Variants in NPC2 observed in about 807,000 individuals in gnomAD.
The protein encoded by NPC2 is NPC intracellular cholesterol transporter 2, also known as Niemann-Pick disease type C2 protein.
In NPC2, 14 loss-of-function variants were observed where a neutral mutation model predicts 17.0. That is an observed-to-expected ratio of 0.82 (90% CI 0.54 to 1.29). The LOEUF is 1.29. Among genes scored for constraint, NPC2 ranks in the 50% most tolerant of loss-of-function variants. NPC2 has a pLI of 0.00. For missense variants in NPC2, 167 were observed against 183.4 expected (o/e 0.91, Z 0.52); for synonymous variants, 75 against 69.3 (o/e 1.08, Z -0.41).
upstream of NPC2, chr14:74,493,495 G>C (rs2086802079): frequency 9.4e-7 from 1 of 1,060,274 alleles, no homozygotes. The surrounding 1 kb of genome is among the most constrained non-coding windows in gnomAD (Gnocchi z 4.1). Context: ...CCCCTCAGAG[G>C]CCTGACCCGC....
chr14:74,492,827 G>A (rs1164547845), intron 1 of NPC2, among the ~76,000 whole-genome samples: 1 of 152,108 alleles, frequency 6.6e-6, no homozygotes, highest in Non-Finnish European at 1.5e-5. Context: ...GGGGGAGGCG[G>A]GATTCCAAGA....
chr14:74,493,301 G>C lies in NPC2; in HGVS notation c.-27C>G. 1.2e-6 allele frequency: 2 copies of C among 1,607,712 alleles called. No individual in the cohort carries two copies. Among genetic ancestry groups the C allele is most frequent in the Non-Finnish European group, 1.7e-6 (2 of 1,177,762 alleles). ...GCGGATAACGAAGTTCCAAGCTCGG[G>C]AAAGAAGCAGCGGCCGCCCGCGGTC... On this transcript the variant is annotated 5_prime_UTR_variant, in exon 1 of 5. Coordinates refer to ENST00000555619, the MANE Select transcript of NPC2 (RefSeq NM_006432.5). The surrounding 1 kb of genome is among the most constrained non-coding windows in gnomAD (Gnocchi z 4.1).
At chr14:74,493,330 A>G, upstream of NPC2, 1 of 1,588,560 alleles carries the variant, frequency 6.3e-7, no homozygotes, top group Non-Finnish European at 8.6e-7. The surrounding 1 kb of genome is among the most constrained non-coding windows in gnomAD (Gnocchi z 4.1). Context: ...CGCGGTCACA[A>G]GACAAACCTG....
chr14:74,483,441 G>C, intron 3 of NPC2: 1 of 1,536,390 alleles, frequency 6.5e-7, no homozygotes, highest in Non-Finnish European at 9.0e-7. Context: ...GACCTGGTCA[G>C]ACAGATAAAT....
At chr14:74,492,728 T>C (rs1185458376) in intron 1 of NPC2, among the ~76,000 whole-genome samples, 3 of 152,230 alleles carry the variant, frequency 2.0e-5, no homozygotes, top group African/African-American at 2.4e-5. Context: ...AAGGAAGTCC[T>C]ATTTGTAACA....
intron 4 of NPC2, 59 bp from the exon 5 acceptor site, chr14:74,480,347 G>T: frequency 1.4e-6 from 2 of 1,443,278 alleles, no homozygotes; most frequent in East Asian, 2.3e-5. Context: ...TCCACTGTCA[G>T]GGCAATAACC....
chr14:74,486,298 T>C (rs1013513705), intron 2 of NPC2, 31 bp downstream of exon 2: 7 of 1,518,814 alleles, frequency 4.6e-6, no homozygotes, highest in Non-Finnish European at 6.3e-6. Flanking sequence ...TGCTGTAACA[T>C]GAATTTGAGT....
At chr14:74,487,430 G>C (rs137921136) in intron 1 of NPC2, among the ~76,000 whole-genome samples, 3 of 151,708 alleles carry the variant, frequency 2.0e-5, no homozygotes, top group African/African-American at 7.3e-5. Flanking sequence ...CACCACACCC[G>C]GCTAATTTTT....
In NPC2 at chr14:74,486,359, A is replaced by G. The variant is rs767080399; in HGVS notation, c.160T>C (p.Ser54Pro). The stretch of plus-strand genomic sequence containing the variant: ...GTGAAGGTGACATTGACGCTGTAAG[A>G]CTGTCCTTTGCTCAGCTGGCAGGGT... ...TQPCQLSKGQ[S>P]YSVNVTFTSN... The change falls in exon 2 of 5, where the codon TCT (serine) becomes CCT (proline). Residue 54 changes from serine (S) to proline (P), a missense_variant. Physicochemically the swap from Ser to Pro is moderately conservative, Grantham distance 74. Transcript: ENST00000555619. The G allele has an allele frequency of 4.9e-5, 78 of 1,603,940 alleles. No individual in the cohort carries two copies. The highest frequency in any genetic ancestry group is 6.4e-5 in the Non-Finnish European group (75 of 1,175,160).
upstream of NPC2, chr14:74,493,348 G>A: frequency 6.4e-7 from 1 of 1,569,432 alleles, no homozygotes; most frequent in Non-Finnish European, 8.6e-7. This position sits in a 1 kb window ranked among gnomAD's most constrained non-coding sequence, Gnocchi z 4.1. Context: ...CTGTCGGGGC[G>A]GGCCCGGGGA....
chr14:74,485,681 G>A (rs1409201520), intron 2 of NPC2, among the ~76,000 whole-genome samples: 3 of 152,192 alleles, frequency 2.0e-5, no homozygotes, highest in South Asian at 2.1e-4. Context: ...GACAGAAAAT[G>A]AGGAAAAGAT....
rs139933614 is a variant in NPC2 at position 74,492,854 on chromosome 14, AAAG to A, written c.82+336_82+338del. The stretch of plus-strand genomic sequence containing the variant: ...ATTCCAAGATACAAAGCATAAATAA[AAAG>A]AAGTTCTGTGCTCCACCCCTCCACC... On this transcript the variant is annotated intron_variant, in intron 1 of 4. Transcript: ENST00000555619. 7.5e-3 allele frequency among the ~76,000 whole-genome samples: 1,150 copies of A among 152,358 alleles called. 15 individuals are homozygous for A. Among genetic ancestry groups the A allele is most frequent in the African/African-American group, 0.026 (1,092 of 41,580 alleles).
chr14:74,482,307 T>C (rs1289793503), intron 3 of NPC2, among the ~76,000 whole-genome samples: 2 of 152,258 alleles, frequency 1.3e-5, no homozygotes, highest in African/African-American at 2.4e-5. Flanking sequence ...TGAGTTCTAC[T>C]TGATTTCAAG....
At chr14:74,488,106 T>C (rs1392219004) in intron 1 of NPC2, among the ~76,000 whole-genome samples, 1 of 152,214 alleles carries the variant, frequency 6.6e-6, no homozygotes, top group East Asian at 1.9e-4. Flanking sequence ...GGACTCTGGA[T>C]GAAGGTCTGT....
intron 1 of NPC2, among the ~76,000 whole-genome samples, chr14:74,490,807 A>T (rs2086763505): frequency 6.6e-6 from 1 of 152,212 alleles, no homozygotes; most frequent in Admixed American, 6.5e-5. Context: ...TTTATATCAT[A>T]TTTCCCAATT....
At chr14:74,482,365 T>C (rs1025912385) in intron 3 of NPC2, among the ~76,000 whole-genome samples, 3 of 152,212 alleles carry the variant, frequency 2.0e-5, no homozygotes, top group Non-Finnish European at 2.9e-5. Context: ...CTCTATTTCC[T>C]CCATTCTTAT....
In NPC2 at chr14:74,493,114, G is replaced by C; in HGVS notation, c.82+79C>G. ...CCGCCCGAGGGATCCGCCCAGCCCA[G>C]CCCCAGGGGTCTCAGCGCGGGGGTC... On this transcript the variant is annotated intron_variant, in intron 1 of 4. Coordinates refer to ENST00000555619, the MANE Select transcript of NPC2 (RefSeq NM_006432.5). This position sits in a 1 kb window ranked among gnomAD's most constrained non-coding sequence, Gnocchi z 4.1. 6.6e-7 allele frequency: 1 copy of C among 1,524,442 alleles called. No homozygotes were observed. The highest frequency in any genetic ancestry group is 8.9e-7 in the Non-Finnish European group (1 of 1,125,236). The allele number at this position is 1,524,442 out of a possible 1,614,324, so 94.4% of individuals were successfully genotyped here.
At position 74,484,547 on chromosome 14, in the gene NPC2, G is replaced by C; in HGVS notation, c.231C>G (p.Ile77Met). The C allele has an allele frequency of 6.2e-7, 1 of 1,614,070 alleles. No homozygotes were observed. Among genetic ancestry groups the C allele is most frequent in the Non-Finnish European group, 8.5e-7 (1 of 1,180,030 alleles). Residue 77 changes from isoleucine (I) to methionine (M), a missense_variant, in exon 3 of 5, where the codon ATC becomes ATG. By Grantham distance (10) the Ile-to-Met change is conservative (BLOSUM62 1). Coordinates refer to ENST00000555619, the MANE Select transcript of NPC2 (RefSeq NM_006432.5). ...SKSSKAVVHG[I>M]LMGVPVPFPI... ...GAAAGGGAACTGGGACGCCCATCAG[G>C]ATGCCATGCACCACGGCCTTGCTGC... is the stretch of plus-strand genomic sequence containing the variant.
rs142165691 is a variant in NPC2 at position 74,488,178 on chromosome 14, CTCTT to C, written c.83-1746_83-1743del. Among the ~76,000 whole-genome samples the C allele has an allele frequency of 3.4e-3, 517 of 152,288 alleles. 4 individuals are homozygous for C. Among genetic ancestry groups the C allele is most frequent in the African/African-American group, 0.012 (495 of 41,562 alleles). ...CGCCTCTTTGCCCCTCACCATGATT[CTCTT>C]TCTATCGTAGAGGTTCAACCCCTAT... On this transcript the variant is annotated intron_variant, in intron 1 of 4. Coordinates refer to ENST00000555619, the MANE Select transcript of NPC2 (RefSeq NM_006432.5).
Sources: allele counts gnomAD v4.1 joint callset (sites outside exome capture counted in the v4.1 genomes callset), GRCh38; gene constraint gnomAD v4.1.1; non-coding constraint Gnocchi (gnomAD v3.1); transcripts MANE v1.5; gene names NCBI Gene and HGNC (gene_info 2026-07-23, HGNC 2026-07-21).